The following KCND2 variants were observed in gnomAD, a reference collection of about 807,000 sequenced individuals.
The protein encoded by KCND2 is potassium voltage-gated channel subfamily D member 2.
Under a neutral mutation model 54.4 loss-of-function variants are expected in KCND2, and 16 were observed. The ratio of observed to expected loss-of-function variants is 0.29; its 90% CI spans 0.20 to 0.45. The LOEUF (loss-of-function observed/expected upper bound fraction) is 0.45, where lower values mean the gene tolerates loss of function less well. Ranked by LOEUF, KCND2 falls within the 20% of genes least tolerant of loss-of-function variation. The pLI, the probability that KCND2 is intolerant of heterozygous loss-of-function variation, is 1.00. For synonymous variants in KCND2, 317 were observed against 310.7 expected (o/e 1.02, Z -0.21); for missense variants, 486 against 824.2 (o/e 0.59, Z 5.02).
chr7:120,281,323 C>A (rs186457892), intron 1 of KCND2, among the ~76,000 whole-genome samples: 1 of 151,814 alleles, frequency 6.6e-6, no homozygotes, highest in Admixed American at 6.6e-5. Flanking sequence ...TACACACACA[C>A]GTATGCATGT....
At chr7:120,525,673 A>C (rs1340408151) in intron 1 of KCND2, among the ~76,000 whole-genome samples, 1 of 152,130 alleles carries the variant, frequency 6.6e-6, no homozygotes, top group African/African-American at 2.4e-5. Context: ...AACTTTATAC[A>C]AGCTTTTGCT....
intron 1 of KCND2, among the ~76,000 whole-genome samples, chr7:120,475,692 C>A (rs1398108032): frequency 3.9e-5 from 6 of 152,096 alleles, no homozygotes; most frequent in African/African-American, 1.4e-4. Context: ...TGCAAGCTGC[C>A]TCATGTTAAC....
chr7:120,555,266 A>G (rs535427345), intron 1 of KCND2, among the ~76,000 whole-genome samples: 2 of 152,290 alleles, frequency 1.3e-5, no homozygotes, highest in Admixed American at 6.5e-5. Flanking sequence ...AATAATTCAC[A>G]ATATTGGCCA....
At chr7:120,310,641 G>C (rs541727665) in intron 1 of KCND2, among the ~76,000 whole-genome samples, 22 of 152,166 alleles carry the variant, frequency 1.4e-4, no homozygotes, top group African/African-American at 4.8e-5. Flanking sequence ...ATATAGACTG[G>C]TCGTGGTGGC....
At chr7:120,553,710 G>C (rs949690855) in intron 1 of KCND2, among the ~76,000 whole-genome samples, 1 of 152,194 alleles carries the variant, frequency 6.6e-6, no homozygotes, top group Admixed American at 6.5e-5. Flanking sequence ...TGAGTACAGA[G>C]ATTAGATCAC....
At chr7:120,542,548 A>C (rs1268174859) in intron 1 of KCND2, among the ~76,000 whole-genome samples, 1 of 152,182 alleles carries the variant, frequency 6.6e-6, no homozygotes, top group Non-Finnish European at 1.5e-5. Flanking sequence ...CTAATGCTAA[A>C]GTAGCTCGAA....
At chr7:120,418,460 T>C (rs1403515034) in intron 1 of KCND2, among the ~76,000 whole-genome samples, 1 of 134,978 alleles carries the variant, frequency 7.4e-6, no homozygotes, top group Non-Finnish European at 1.5e-5. Context: ...CAAACTGCCT[T>C]GTACTGGACC....
intron 1 of KCND2, among the ~76,000 whole-genome samples, chr7:120,505,774 A>G (rs1261538772): frequency 1.3e-5 from 2 of 151,784 alleles, no homozygotes; most frequent in Non-Finnish European, 2.9e-5. Flanking sequence ...AGAAAAAAGT[A>G]CTATTAGAGA....
At position 120,717,661 on chromosome 7, in the gene KCND2, T is replaced by A. The variant is rs140034583; in HGVS notation, c.1116-15242T>A. Among the ~76,000 whole-genome samples the A allele has an allele frequency of 1.0e-3, 152 of 152,170 alleles. No individual in the cohort carries two copies. In the Middle Eastern group the frequency reaches 0.01, roughly 10 times the overall value. On this transcript the variant is annotated intron_variant, in intron 1 of 5. Coordinates refer to ENST00000331113, the MANE Select transcript of KCND2 (RefSeq NM_012281.3). ...ATAGACAGCAACTTACTCCACCTAC[T>A]TGTAAGATTATCCTGCAGCTAGGAG...
intron 1 of KCND2, among the ~76,000 whole-genome samples, chr7:120,374,554 G>T (rs922186560): frequency 4.0e-5 from 6 of 151,756 alleles, no homozygotes; most frequent in African/African-American, 1.5e-4. Context: ...CATCTTTGAA[G>T]TTGCCAACCA....
intron 1 of KCND2, among the ~76,000 whole-genome samples, chr7:120,298,603 T>C (rs1799542715): frequency 6.6e-6 from 1 of 152,214 alleles, no homozygotes; most frequent in Non-Finnish European, 1.5e-5. Flanking sequence ...ACAAAAAGTT[T>C]TCTATGATAA....
intron 1 of KCND2, among the ~76,000 whole-genome samples, chr7:120,520,313 A>T (rs189098174): frequency 1.3e-5 from 2 of 152,250 alleles, no homozygotes; most frequent in Admixed American, 1.3e-4. Flanking sequence ...TACACATAAG[A>T]AAAAATAAAA....
At chr7:120,341,422 T>G (rs1258281985) in intron 1 of KCND2, among the ~76,000 whole-genome samples, 4 of 152,162 alleles carry the variant, frequency 2.6e-5, no homozygotes, top group African/African-American at 9.6e-5. Flanking sequence ...GTTAGATTTA[T>G]GTAGGGCTGT....
intron 1 of KCND2, among the ~76,000 whole-genome samples, chr7:120,731,486 A>G (rs765620755): frequency 3.3e-5 from 5 of 152,200 alleles, no homozygotes; most frequent in Non-Finnish European, 7.3e-5. Flanking sequence ...GAGGCCAGTG[A>G]GCTTGGTGAA....
chr7:120,477,908 G>T (rs912451860), intron 1 of KCND2, among the ~76,000 whole-genome samples: 2 of 152,080 alleles, frequency 1.3e-5, no homozygotes, highest in Non-Finnish European at 2.9e-5. Flanking sequence ...GGTAAGAGTT[G>T]CTTTCTTTTT....
chr7:120,619,808 A>G (rs1389523667), intron 1 of KCND2, among the ~76,000 whole-genome samples: 2 of 152,230 alleles, frequency 1.3e-5, no homozygotes, highest in Non-Finnish European at 2.9e-5. Flanking sequence ...AGGAAGCCTT[A>G]ATTTTATTTT....
At chr7:120,736,690 T>C (rs1792875406) in intron 2 of KCND2, among the ~76,000 whole-genome samples, 1 of 151,608 alleles carries the variant, frequency 6.6e-6, no homozygotes. Context: ...TTCTAGAATG[T>C]CCCAGGTGTT....
At chr7:120,329,521 T>A (rs1006576666) in intron 1 of KCND2, among the ~76,000 whole-genome samples, 2 of 152,164 alleles carry the variant, frequency 1.3e-5, no homozygotes, top group Admixed American at 6.5e-5. Context: ...AAATGATAAA[T>A]TTAATACATT....
chr7:120,369,645 C>T (rs537820876), intron 1 of KCND2, among the ~76,000 whole-genome samples: 31 of 152,078 alleles, frequency 2.0e-4, no homozygotes, highest in African/African-American at 7.5e-4. Flanking sequence ...CATTTTGGCA[C>T]TTTATTTCTT....
Sources: gnomAD v4.1 joint callset for allele counts (sites outside exome capture counted in the v4.1 genomes callset) on GRCh38, gnomAD v4.1.1 for gene constraint, MANE v1.5 for transcripts, NCBI Gene and HGNC (gene_info 2026-07-23, HGNC 2026-07-21) for gene names.